Variants in PCDHGA11 observed in about 807,000 individuals in gnomAD.
PCDHGA11 encodes protocadherin gamma-A11.
In PCDHGA11, 39 loss-of-function variants were observed where a neutral mutation model predicts 60.4. The observed-to-expected ratio is 0.65, with a 90% CI of 0.50 to 0.84. The LOEUF (loss-of-function observed/expected upper bound fraction) is 0.84, where lower values mean the gene tolerates loss of function less well. Among genes scored for constraint, PCDHGA11 ranks in the 40% least tolerant of loss-of-function variants. The pLI is 0.00. For missense variants in PCDHGA11, 1,165 were observed against 1,197.7 expected (o/e 0.97, Z 0.40); for synonymous variants, 533 against 510.3 (o/e 1.04, Z -0.60).
In PCDHGA11 at chr5:141,431,615, G is replaced by C. The variant is rs1231591874; in HGVS notation, c.2433+7955G>C. The C allele has an allele frequency of 1.2e-6, 2 of 1,614,118 alleles. No individual in the cohort carries two copies. Among genetic ancestry groups the C allele is most frequent in the Non-Finnish European group, 8.5e-7 (1 of 1,180,050 alleles). ...GAGGTATTCCTTCCGGTATGTGGACGACAAGGCGGCCCAAGTTTTCAAACT... is the reference window on the plus strand; with the variant it reads ...GAGGTATTCCTTCCGGTATGTGGACCACAAGGCGGCCCAAGTTTTCAAACT... On this transcript the variant is annotated intron_variant, in intron 1 of 3. Coordinates refer to ENST00000398587, the MANE Select transcript of PCDHGA11 (RefSeq NM_018914.3). This position sits in a 1 kb window ranked among gnomAD's most constrained non-coding sequence, Gnocchi z 4.8.
rs763104309 is a variant in PCDHGA11, at chr5:141,432,042, G to A, written c.2433+8382G>A. 5 of 1,614,090 alleles carry A rather than the reference G, an allele frequency of 3.1e-6. No homozygotes were observed. The African/African-American group carries it at 6.7e-5, about 22-fold the overall frequency. ...ATCACAGTGACCGCCACTGACCGGG[G>A]AACCCCGCCCCTATCCACGGAAACT... On this transcript the variant is annotated intron_variant, in intron 1 of 3. Transcript: ENST00000398587. The surrounding 1 kb of genome is among the most constrained non-coding windows in gnomAD (Gnocchi z 6.0).
Position 141,489,120 on chromosome 5 carries a change from G to T in PCDHGA11, c.2434-5687G>T. On this transcript the variant is annotated intron_variant, in intron 1 of 3. Coordinates refer to ENST00000398587, the MANE Select transcript of PCDHGA11 (RefSeq NM_018914.3). The surrounding 1 kb of genome is among the most constrained non-coding windows in gnomAD (Gnocchi z 4.5). Reference sequence around the variant, plus strand: ...AACTGCTGCAAGCAGGCAAACCTCCGAGCAGTTTTTAAGAGGCTGGAAGGA... The same window carrying T: ...AACTGCTGCAAGCAGGCAAACCTCCTAGCAGTTTTTAAGAGGCTGGAAGGA... 2.2e-6 allele frequency: 1 copy of T among 445,672 alleles called. No individual in the cohort carries two copies. The highest frequency in any genetic ancestry group is 3.8e-6 in the Non-Finnish European group (1 of 264,754). The allele number at this position is 445,672 out of a possible 1,614,324, so 27.6% of individuals were successfully genotyped here.
At chr5:141,428,313 C>T in intron 1 of PCDHGA11, 1 of 671,482 alleles carries the variant, frequency 1.5e-6, no homozygotes, top group Non-Finnish European at 2.6e-6. Context: ...TGGTCGTGGC[C>T]TTGGCCTTGA....
intron 1 of PCDHGA11, chr5:141,426,204 T>C (rs10046053): frequency 0.11 from 17,599 of 155,696 alleles, 1,197 homozygotes; most frequent in African/African-American, 0.19. Flanking sequence ...TTGAGTTTTC[T>C]ATGTATGGAA....
intron 1 of PCDHGA11, chr5:141,433,201 CTTCT>C (rs759014851): frequency 3.9e-5 from 61 of 1,573,466 alleles, no homozygotes; most frequent in Admixed American, 1.2e-4. Flanking sequence ...TATATCAAAT[CTTCT>C]TTCTTTTTTT....
At chr5:141,428,286 A>G in intron 1 of PCDHGA11, 1 of 730,462 alleles carries the variant, frequency 1.4e-6, no homozygotes, top group Non-Finnish European at 2.4e-6. Flanking sequence ...ATTCCCAAGC[A>G]AAGCTGCAGA....
intron 1 of PCDHGA11, 61 bp downstream of exon 1, chr5:141,423,721 T>C (rs2096769391): frequency 8.3e-7 from 1 of 1,208,140 alleles, no homozygotes; most frequent in East Asian, 3.8e-5. Flanking sequence ...TTTAAGGAGA[T>C]GTTTTTTGAG....
chr5:141,423,605 T>G lies in PCDHGA11; in HGVS notation c.2378T>G (p.Leu793Trp). The G allele has an allele frequency of 1.6e-5, 26 of 1,612,620 alleles. No individual in the cohort carries two copies. Among genetic ancestry groups the G allele is most frequent in the Non-Finnish European group, 2.0e-5 (24 of 1,179,120 alleles). Residue 793 changes from leucine to tryptophan, a missense_variant, in exon 1 of 4, where the codon TTG becomes TGG. Physicochemically the swap from Leu to Trp is moderately conservative, Grantham distance 61. Transcript: ENST00000398587. Reference sequence around the variant, plus strand: ...AGCTGTGAGAAAAGCGAGCCACTCTTGATAGCTGAAGACTCAGCTATCATT... The same window carrying G: ...AGCTGTGAGAAAAGCGAGCCACTCTGGATAGCTGAAGACTCAGCTATCATT... ...QESCEKSEPL[L>W]IAEDSAIILG...
chr5:141,457,649 A>C (rs1303184316), intron 1 of PCDHGA11, among the ~76,000 whole-genome samples: 1 of 152,282 alleles, frequency 6.6e-6, no homozygotes, highest in Non-Finnish European at 1.5e-5. Context: ...TATTTGCATG[A>C]AGTGCAGCAA....
intron 1 of PCDHGA11, chr5:141,427,590 C>G (rs768990626): frequency 5.9e-6 from 4 of 678,892 alleles, no homozygotes; most frequent in Non-Finnish European, 1.1e-5. Flanking sequence ...CAGCACAAGC[C>G]TCACCCTACG....
intron 3 of PCDHGA11, among the ~76,000 whole-genome samples, chr5:141,509,568 C>T (rs535982453): frequency 3.3e-5 from 5 of 152,336 alleles, no homozygotes; most frequent in Admixed American, 2.0e-4. Flanking sequence ...GCAGCCTTCA[C>T]AGTGCGTACA....
intron 1 of PCDHGA11, among the ~76,000 whole-genome samples, chr5:141,434,467 T>C (rs1397980716): frequency 6.6e-6 from 1 of 152,226 alleles, no homozygotes; most frequent in Non-Finnish European, 1.5e-5. Flanking sequence ...TTTACCGGAA[T>C]GAGGGCAAGG....
rs199552905 is a variant in PCDHGA11 at position 141,423,400 on chromosome 5, C to A, written c.2173C>A (p.Leu725Met). The change falls in exon 1 of 4, where the codon CTG becomes ATG. Residue 725 changes from leucine (L) to methionine (M), a missense_variant. Transcript: ENST00000398587. Reference sequence around the variant, plus strand: ...GCTGTGGCGCTGGCATAAGTCACGCCTGCTGCAGGCTTCTGAAGGCGGGTT... The same window carrying A: ...GCTGTGGCGCTGGCATAAGTCACGCATGCTGCAGGCTTCTGAAGGCGGGTT... ...LRLWRWHKSRLLQASEGGLAG... is the reference protein window; with the variant it reads ...LRLWRWHKSRMLQASEGGLAG... 62 of 1,614,152 alleles carry A rather than the reference C, an allele frequency of 3.8e-5. No homozygotes were observed. The African/African-American group carries it at 6.9e-4, about 18-fold the overall frequency.
In PCDHGA11 at chr5:141,461,039, C is replaced by T. The variant is rs1026091108; in HGVS notation, c.2434-33768C>T. On this transcript the variant is annotated intron_variant, in intron 1 of 3. Coordinates refer to ENST00000398587, the MANE Select transcript of PCDHGA11 (RefSeq NM_018914.3). ...ACATTTTCTTTATCCACTCATTAGT[C>T]GATGGGGACTTAGGTTGGTTTCACA... is the stretch of plus-strand genomic sequence containing the variant. 2.7e-5 allele frequency among the ~76,000 whole-genome samples: 4 copies of T among 150,906 alleles called. No homozygotes were observed. In the East Asian group the frequency reaches 7.8e-4, roughly 29 times the overall value.
rs199877605 is a variant in PCDHGA11 at position 141,421,311 on chromosome 5, G to A, written c.84G>A (p.Arg28=). The A allele has an allele frequency of 9.5e-5, 154 of 1,613,788 alleles. No individual in the cohort carries two copies. The African/African-American group carries it at 1.9e-3, about 20-fold the overall frequency. The change falls in exon 1 of 4, where the codon CGG becomes CGA. Residue 28 remains arginine (R), a synonymous_variant. Coordinates refer to ENST00000398587, the MANE Select transcript of PCDHGA11 (RefSeq NM_018914.3). ...TCCTGGGGACGCTGCGGGGGTTCCG[G>A]GCCAGGCAGATCCGATATTCGGTGC... is the stretch of plus-strand genomic sequence containing the variant. ...CIFLGTLRGF[R]ARQIRYSVPE...
chr5:141,430,580 G>A, intron 1 of PCDHGA11: 1 of 478,526 alleles, frequency 2.1e-6, no homozygotes, highest in Admixed American at 3.8e-5. Context: ...CGGAGATCCT[G>A]CTCGCCTTGC....
At chr5:141,443,662 C>A (rs1427397469) in intron 1 of PCDHGA11, among the ~76,000 whole-genome samples, 2 of 152,178 alleles carry the variant, frequency 1.3e-5, no homozygotes, top group African/African-American at 4.8e-5. Context: ...TAGCATTTTA[C>A]TGAACTAGTA....
At position 141,486,931 on chromosome 5, in the gene PCDHGA11, T is replaced by C. The variant is rs201042803; in HGVS notation, c.2434-7876T>C. 2 of 1,614,258 alleles carry C rather than the reference T, an allele frequency of 1.2e-6. No homozygotes were observed. Among genetic ancestry groups the C allele is most frequent in the East Asian group, 2.2e-5 (1 of 44,876 alleles). ...AAGCACTGCCTCCATCAGTTGGTGC[T>C]GGCCACCTAATCACAAAGGTGACTG... On this transcript the variant is annotated intron_variant, in intron 1 of 3. Coordinates refer to ENST00000398587, the MANE Select transcript of PCDHGA11 (RefSeq NM_018914.3). This position sits in a 1 kb window ranked among gnomAD's most constrained non-coding sequence, Gnocchi z 5.0.
intron 1 of PCDHGA11, among the ~76,000 whole-genome samples, chr5:141,492,893 C>T (rs936521362): frequency 2.0e-5 from 3 of 152,178 alleles, no homozygotes; most frequent in Admixed American, 6.5e-5. Flanking sequence ...AGGCTTTTGG[C>T]GCCGTCGTGA....
Sources: gnomAD v4.1 joint callset for allele counts (sites outside exome capture counted in the v4.1 genomes callset) on GRCh38, gnomAD v4.1.1 for gene constraint, Gnocchi (gnomAD v3.1) non-coding constraint, MANE v1.5 for transcripts, NCBI Gene and HGNC (gene_info 2026-07-23, HGNC 2026-07-21) for gene names.